SMARCD2: variants seen among roughly 807,000 people sequenced by gnomAD.
SMARCD2 encodes SWI/SNF related BAF chromatin remodeling complex subunit D2, also known as SWI/SNF-related matrix-associated actin-dependent regulator of chromatin subfamily D member 2.
A neutral mutation model predicts 70.4 loss-of-function variants in SMARCD2; 39 were observed. That is an observed-to-expected ratio of 0.55 (90% CI 0.43 to 0.72). The LOEUF (loss-of-function observed/expected upper bound fraction) is 0.72, where lower values mean the gene tolerates loss of function less well. Among genes scored for constraint, SMARCD2 ranks in the 30% least tolerant of loss-of-function variants. The pLI is 0.00. For synonymous variants in SMARCD2, 249 were observed against 279.4 expected, an observed-to-expected ratio of 0.89 and a Z score of 1.08; for missense variants, 540 against 713.4, an observed-to-expected ratio of 0.76 and a Z score of 2.77.
rs1337972544 is a variant in SMARCD2, at chr17:63,834,889, G to A, written c.724-89C>T. On this transcript the variant is annotated intron_variant, in intron 5 of 12. Coordinates refer to ENST00000448276, the MANE Select transcript of SMARCD2 (RefSeq NM_001098426.2). The surrounding 1 kb of genome is among the most constrained non-coding windows in gnomAD (Gnocchi z 5.6). The stretch of plus-strand genomic sequence containing the variant: ...CCCAAGAAAGAGAAGCCCCATTTCA[G>A]CCCTGGAGCTCCGGATACTGAAGAT... 2 of 916,310 alleles carry A rather than the reference G, an allele frequency of 2.2e-6. No individual in the cohort carries two copies. The highest frequency in any genetic ancestry group is 3.5e-6 in the Non-Finnish European group (2 of 563,906). The allele number at this position is 916,310 out of a possible 1,614,324, so 56.8% of individuals were successfully genotyped here.
At chr17:63,839,032 G>C (rs923131667) in intron 1 of SMARCD2, 11 of 985,094 alleles carry the variant, frequency 1.1e-5, no homozygotes, top group African/African-American at 7.0e-5. Context: ...AGTTCAAAGT[G>C]GGGGGCTCTG....
intron 1 of SMARCD2, chr17:63,839,166 GA>G (rs1056999520): frequency 6.8e-5 from 67 of 985,180 alleles, no homozygotes; most frequent in Non-Finnish European, 7.7e-5. Flanking sequence ...TGAGATTATA[GA>G]AAAAAACTAA....
In SMARCD2 at chr17:63,834,289, G is replaced by T; in HGVS notation, c.961C>A (p.Leu321Met). 1 of 1,612,230 alleles carries T rather than the reference G, an allele frequency of 6.2e-7. No individual in the cohort carries two copies. Among genetic ancestry groups the T allele is most frequent in the South Asian group, 1.1e-5 (1 of 90,794 alleles). The change falls in exon 8 of 13, where the codon CTG becomes ATG. Residue 321 changes from leucine to methionine, a missense_variant. By Grantham distance (15) the Leu-to-Met change is conservative. Transcript: ENST00000448276. This position sits in a 1 kb window ranked among gnomAD's most constrained non-coding sequence, Gnocchi z 5.6. ...YKLDPRLARL[L>M]GVHTQTRAAI... ...GCCCTCGTCTGCGTGTGCACTCCCA[G>T]CAGCCTTGCCAATCGGGGGTCCAAT...
In SMARCD2 at chr17:63,833,776, C is replaced by G. The variant is rs2040227213; in HGVS notation, c.1182-54G>C. The G allele has an allele frequency of 2.5e-6, 4 of 1,609,458 alleles. No individual in the cohort carries two copies. The highest frequency in any genetic ancestry group is 2.6e-6 in the Non-Finnish European group (3 of 1,176,144). On this transcript the variant is annotated intron_variant, in intron 9 of 12. Coordinates refer to ENST00000448276, the MANE Select transcript of SMARCD2 (RefSeq NM_001098426.2). The surrounding 1 kb of genome is among the most constrained non-coding windows in gnomAD (Gnocchi z 4.3). Reference sequence around the variant, plus strand: ...ACATAGCTGACTTCATCCTGCCCACCTGGGCCAAATCTGGGGCCCATTCTC... The same window carrying G: ...ACATAGCTGACTTCATCCTGCCCACGTGGGCCAAATCTGGGGCCCATTCTC...
intron 1 of SMARCD2, among the ~76,000 whole-genome samples, chr17:63,839,583 AACAAAACAAAC>A (rs2144638150): frequency 1.3e-5 from 1 of 77,554 alleles, no homozygotes; most frequent in South Asian, 4.5e-4. Flanking sequence ...AACAAAACAA[AACAAAACAAAC>A]AAAAAAAAAC....
intron 5 of SMARCD2, 170 bp downstream of exon 5, chr17:63,835,242 C>G: frequency 1.6e-6 from 1 of 635,216 alleles, no homozygotes; most frequent in Non-Finnish European, 2.7e-6. Context: ...CCTGCATCAG[C>G]CTTATGAGTA....
Position 63,834,830 on chromosome 17 carries a change from C to T in SMARCD2, c.724-30G>A. ...GGATGGAAAGGGGTGTGAGATGGTG[C>T]TGCTGAGCTCTCAAATCTCAAGCTA... On this transcript the variant is annotated intron_variant, in intron 5 of 12. Transcript: ENST00000448276. The surrounding 1 kb of genome is among the most constrained non-coding windows in gnomAD (Gnocchi z 5.6). 4 of 1,411,078 alleles carry T rather than the reference C, an allele frequency of 2.8e-6. No homozygotes were observed. The highest frequency in any genetic ancestry group is 4.0e-6 in the Non-Finnish European group (4 of 995,398). 87.4% of individuals were successfully genotyped at this position (1,411,078 alleles called of 1,614,324 possible).
At chr17:63,842,326 C>T (rs1904500259) in intron 1 of SMARCD2, 133 bp downstream of exon 1, 1 of 1,182,904 alleles carries the variant, frequency 8.5e-7, no homozygotes, top group South Asian at 2.5e-5. Context: ...CCGAGGGTCC[C>T]GGCCCGCCCT....
rs2040221161 is a variant in SMARCD2 at position 63,833,458 on chromosome 17, C to T, written c.1318-38G>A. ...CCTGTGTCAGACTGTGCCCCCAAAG[C>T]TTACATGCAAGCAACTGAGCCAGAG... On this transcript the variant is annotated intron_variant, in intron 10 of 12. Transcript: ENST00000448276. The surrounding 1 kb of genome is among the most constrained non-coding windows in gnomAD (Gnocchi z 4.3). 2 of 1,611,636 alleles carry T rather than the reference C, an allele frequency of 1.2e-6. No homozygotes were observed. Among genetic ancestry groups the T allele is most frequent in the South Asian group, 1.1e-5 (1 of 90,938 alleles).
Position 63,833,946 on chromosome 17 carries a change from G to A in SMARCD2, c.1144C>T (p.Gln382Ter). The change falls in exon 9 of 13, where the codon CAG becomes TAG. Residue 382 changes from glutamine (Q) to a stop codon, truncating the protein, a stop_gained. Coordinates refer to ENST00000448276, the MANE Select transcript of SMARCD2 (RefSeq NM_001098426.2). LOFTEE classifies it high-confidence loss of function. This position sits in a 1 kb window ranked among gnomAD's most constrained non-coding sequence, Gnocchi z 4.3. The stretch of plus-strand genomic sequence containing the variant: ...TTGATGACAATGGGGTCTGGATGCT[G>A]CAGCAACCCTGCCAGCTTCATGGGA... Reference protein sequence around the residue: ...EIPMKLAGLLQHPDPIVINHV... With the variant: ...EIPMKLAGLL 1 of 1,613,720 alleles carries A rather than the reference G, an allele frequency of 6.2e-7. No homozygotes were observed.
chr17:63,842,469 GCCGCGGGGC>G lies in SMARCD2; in HGVS notation c.197_205del (p.Gly66_Ala68del), dbSNP rs778582319. 2.4e-5 allele frequency: 31 copies of G among 1,269,132 alleles called. No homozygotes were observed. The East Asian group carries it at 4.9e-4, about 20-fold the overall frequency. The allele number at this position is 1,269,132 out of a possible 1,614,324, so 78.6% of individuals were successfully genotyped here. On this transcript the variant is annotated inframe_deletion, in exon 1 of 13. Coordinates refer to ENST00000448276, the MANE Select transcript of SMARCD2 (RefSeq NM_001098426.2). ...GTCCTCCTTGCTCACCTGGTACTGC[GCCGCGGGGC>G]CCGCGGGGCCCATGGGGCGGAAGGC...
At position 63,832,705 on chromosome 17, in the gene SMARCD2, A is replaced by T; in HGVS notation, c.*233T>A. 1.7e-6 allele frequency: 1 copy of T among 579,232 alleles called. No homozygotes were observed. The highest frequency in any genetic ancestry group is 3.1e-6 in the Non-Finnish European group (1 of 323,220). The allele number at this position is 579,232 out of a possible 1,614,324, so 35.9% of individuals were successfully genotyped here. Reference sequence around the variant, plus strand: ...AGCAGTCCTACTTGGGCCTGCCTGCAGGGGGGCAGAGGAGGCATCTGCTGA... The same window carrying T: ...AGCAGTCCTACTTGGGCCTGCCTGCTGGGGGGCAGAGGAGGCATCTGCTGA... On this transcript the variant is annotated 3_prime_UTR_variant, in exon 13 of 13. Transcript: ENST00000448276.
intron 1 of SMARCD2, chr17:63,838,558 A>G (rs1368422382): frequency 2.9e-6 from 4 of 1,371,842 alleles, no homozygotes; most frequent in Non-Finnish European, 3.8e-6. Flanking sequence ...GAGCAGCAGG[A>G]AAGTGGGAGA....
Position 63,837,478 on chromosome 17 carries a change from G to T in SMARCD2, c.364C>A (p.Pro122Thr). 1 of 1,586,376 alleles carries T rather than the reference G, an allele frequency of 6.3e-7. No individual in the cohort carries two copies. The highest frequency in any genetic ancestry group is 8.6e-7 in the Non-Finnish European group (1 of 1,163,446). The change falls in exon 2 of 13, where the codon CCC becomes ACC. Residue 122 changes from proline to threonine, a missense_variant. Transcript: ENST00000448276. The surrounding 1 kb of genome is among the most constrained non-coding windows in gnomAD (Gnocchi z 6.4). ...GCAGGCATGGGAGGCTGCGCCTGGG[G>T]CACAAGCAGGCGTTTTCGGAATGGA... ...MDPFRKRLLV[P>T]QAQPPMPAQR...
In SMARCD2 at chr17:63,833,065, T is replaced by A; in HGVS notation, c.1542+4A>T. 1 of 1,592,960 alleles carries A rather than the reference T, an allele frequency of 6.3e-7. No individual in the cohort carries two copies. The highest frequency in any genetic ancestry group is 1.8e-5 in the Admixed American group (1 of 56,830). ...AAAGGAGGGAAAACAGGGCAGAGCC[T>A]CACCTTGGCAAAGATGTGCCTGCCT... On this transcript the variant is annotated splice_donor_region_variant and intron_variant, in intron 12 of 12. Transcript: ENST00000448276. The surrounding 1 kb of genome is among the most constrained non-coding windows in gnomAD (Gnocchi z 4.3).
chr17:63,835,339 T>C (rs1232360089), intron 5 of SMARCD2, 73 bp downstream of exon 5: 19 of 1,490,750 alleles, frequency 1.3e-5, no homozygotes, highest in Non-Finnish European at 1.2e-5. Flanking sequence ...CTCAGGCTAG[T>C]ATCAAACTCC....
At position 63,837,515 on chromosome 17, in the gene SMARCD2, G is replaced by A. The variant is rs2040281460; in HGVS notation, c.327C>T (p.Pro109=). ...AAAPLRPGMP[P]TMMDPFRKRL... is the part of the protein sequence containing the mutation. Reference sequence around the variant, plus strand: ...GTTTTCGGAATGGATCCATCATGGTGGGTGGCATGCCAGGTCGAAGCGGAG... The same window carrying A: ...GTTTTCGGAATGGATCCATCATGGTAGGTGGCATGCCAGGTCGAAGCGGAG... The change falls in exon 2 of 13, where the codon CCC becomes CCT. Residue 109 remains proline (P), a synonymous_variant. Coordinates refer to ENST00000448276, the MANE Select transcript of SMARCD2 (RefSeq NM_001098426.2). This position sits in a 1 kb window ranked among gnomAD's most constrained non-coding sequence, Gnocchi z 6.4. 1.0e-5 allele frequency: 16 copies of A among 1,606,744 alleles called. No homozygotes were observed. Among genetic ancestry groups the A allele is most frequent in the Non-Finnish European group, 1.4e-5 (16 of 1,175,814 alleles).
At chr17:63,838,481 C>A in intron 1 of SMARCD2, 1 of 857,596 alleles carries the variant, frequency 1.2e-6, no homozygotes, top group Admixed American at 3.9e-5. Flanking sequence ...TCCGTGTAGC[C>A]CTGGCAATCC....
At chr17:63,839,732 G>A (rs909386318) in intron 1 of SMARCD2, among the ~76,000 whole-genome samples, 4 of 152,162 alleles carry the variant, frequency 2.6e-5, no homozygotes, top group South Asian at 2.1e-4. Flanking sequence ...CCAGGGCTCC[G>A]GTGAGCGTGC....
Sources: allele counts gnomAD v4.1 joint callset (sites outside exome capture counted in the v4.1 genomes callset), GRCh38; gene constraint gnomAD v4.1.1; non-coding constraint Gnocchi (gnomAD v3.1); transcripts MANE v1.5; gene names NCBI Gene and HGNC (gene_info 2026-07-23, HGNC 2026-07-21).